TIAM2: variants seen among roughly 807,000 people sequenced by gnomAD.
TIAM2 encodes the protein rho guanine nucleotide exchange factor TIAM2.
Under a neutral mutation model 152.9 loss-of-function variants are expected in TIAM2, and 80 were observed. The observed-to-expected ratio is 0.52, with a 90% confidence interval of 0.44 to 0.63. The LOEUF (loss-of-function observed/expected upper bound fraction) is 0.63, where lower values mean the gene tolerates loss of function less well. Ranked by LOEUF, TIAM2 falls within the 30% of genes least tolerant of loss-of-function variation. The pLI is 0.00. For synonymous variants in TIAM2, 804 were observed against 838.0 expected (o/e 0.96, Z 0.70); for missense variants, 1,965 against 2,120.1 (o/e 0.93, Z 1.44).
intron 2 of TIAM2, among the ~76,000 whole-genome samples, chr6:155,092,947 T>C (rs1463181404): frequency 1.3e-5 from 2 of 152,226 alleles, no homozygotes; most frequent in African/African-American, 4.8e-5. Context: ...GGAGAATTTG[T>C]TTTGCATTGA....
At chr6:155,163,503 C>T (rs1327851071) in intron 7 of TIAM2, among the ~76,000 whole-genome samples, 1 of 152,164 alleles carries the variant, frequency 6.6e-6, no homozygotes, top group African/African-American at 2.4e-5. Flanking sequence ...TGAAGAAGTT[C>T]ATAGTAACTT....
chr6:155,130,045 C>A lies in TIAM2; in HGVS notation c.822C>A (p.Asp274Glu), dbSNP rs1204962894. 6.2e-7 allele frequency: 1 copy of A among 1,614,066 alleles called. No individual in the cohort carries two copies. The highest frequency in any genetic ancestry group is 1.1e-5 in the South Asian group (1 of 91,086). The stretch of plus-strand genomic sequence containing the variant: ...CCTTCCTGGCCCCCGGCATGCCTGA[C>A]CCCAGTCTCCATGCCAGCTTCCCAC... ...EGSFLAPGMPDPSLHASFPPG... is the reference protein window; with the variant it reads ...EGSFLAPGMPEPSLHASFPPG... Residue 274 changes from aspartate to glutamate, a missense_variant, in exon 4 of 27, where the codon GAC (aspartate) becomes GAA (glutamate). By Grantham distance (45) the Asp-to-Glu change is conservative (BLOSUM62 2). Coordinates refer to ENST00000682666, the MANE Select transcript of TIAM2 (RefSeq NM_012454.4).
In TIAM2 at chr6:155,254,426, G is replaced by GA; in HGVS notation, c.4324dup (p.Ser1442LysfsTer7). Reference sequence around the variant, plus strand: ...CTCTCCCCCCCCACCCAGTGACAGTGAAAGCAAAACCAACATTGTTAAGGT... The same window carrying GA: ...CTCTCCCCCCCCACCCAGTGACAGTGAAAAGCAAAACCAACATTGTTAAGGT... On this transcript the variant is annotated frameshift_variant, in exon 26 of 27. Coordinates refer to ENST00000682666, the MANE Select transcript of TIAM2 (RefSeq NM_012454.4). LOFTEE classifies it high-confidence loss of function. 1 of 1,611,864 alleles carries GA rather than the reference G, an allele frequency of 6.2e-7. No homozygotes were observed. Among genetic ancestry groups the GA allele is most frequent in the Non-Finnish European group, 8.5e-7 (1 of 1,178,024 alleles).
chr6:155,237,043 C>G (rs1406932285), intron 15 of TIAM2, among the ~76,000 whole-genome samples: 1 of 152,168 alleles, frequency 6.6e-6, no homozygotes, highest in African/African-American at 2.4e-5. Context: ...AAATCTCATC[C>G]CAGAGAAGGC....
intron 15 of TIAM2, among the ~76,000 whole-genome samples, chr6:155,233,488 C>T (rs1187235390): frequency 2.0e-5 from 3 of 152,228 alleles, no homozygotes; most frequent in African/African-American, 7.2e-5. Flanking sequence ...GTTTTCTTGC[C>T]ACTCCTAAGA....
intron 1 of TIAM2, chr6:155,004,970 C>CTTA (rs1778375453): frequency 3.1e-6 from 1 of 318,556 alleles, no homozygotes; most frequent in African/African-American, 2.2e-5. Context: ...GCTTCCCAGG[C>CTTA]AGGCCTTCAC....
At chr6:155,247,912 TA>T in intron 19 of TIAM2, 87 bp from the exon 20 acceptor site, 1 of 1,456,694 alleles carries the variant, frequency 6.9e-7, no homozygotes, top group Non-Finnish European at 9.3e-7. Flanking sequence ...ACTATAGAAA[TA>T]GATGATCTAT....
intron 1 of TIAM2, among the ~76,000 whole-genome samples, chr6:155,011,421 A>T (rs201122577): frequency 4.6e-5 from 7 of 152,156 alleles, no homozygotes; most frequent in Non-Finnish European, 1.0e-4. Flanking sequence ...TGGCTTCTCA[A>T]TTTTCATATC....
chr6:154,996,668 AT>A (rs1407198268), intron 1 of TIAM2, among the ~76,000 whole-genome samples: 1 of 152,204 alleles, frequency 6.6e-6, no homozygotes, highest in Non-Finnish European at 1.5e-5. Flanking sequence ...TAGGCTCTGG[AT>A]AAAAAAGTGT....
chr6:155,135,858 AT>A (rs1400054181), intron 4 of TIAM2, among the ~76,000 whole-genome samples: 1 of 152,092 alleles, frequency 6.6e-6, no homozygotes. Flanking sequence ...AAATGGGTAT[AT>A]TTTTTTCATG....
At chr6:155,029,505 A>AATATAGT (rs1776768064) in intron 1 of TIAM2, among the ~76,000 whole-genome samples, 1 of 28,336 alleles carries the variant, frequency 3.5e-5, no homozygotes, top group South Asian at 8.8e-4. Flanking sequence ...TATTATATAT[A>AATATAGT]ATATATACTA....
At chr6:155,222,090 A>G (rs1782065324) in intron 15 of TIAM2, among the ~76,000 whole-genome samples, 1 of 151,868 alleles carries the variant, frequency 6.6e-6, no homozygotes, top group Non-Finnish European at 1.5e-5. Flanking sequence ...AGTACCTGGG[A>G]CCACAGGTGC....
At chr6:155,134,701 T>G (rs1238136342) in intron 4 of TIAM2, among the ~76,000 whole-genome samples, 1 of 152,076 alleles carries the variant, frequency 6.6e-6, no homozygotes, top group Non-Finnish European at 1.5e-5. Context: ...GAGTTTTTTG[T>G]TTTTTTGTTT....
At chr6:155,070,110 T>C (rs1015176803) in intron 1 of TIAM2, among the ~76,000 whole-genome samples, 1 of 151,510 alleles carries the variant, frequency 6.6e-6, no homozygotes, top group Non-Finnish European at 1.5e-5. Context: ...TTTCACTATG[T>C]TGGCCAGGCT....
At chr6:154,998,463 A>G (rs1414275813) in intron 1 of TIAM2, among the ~76,000 whole-genome samples, 2 of 152,192 alleles carry the variant, frequency 1.3e-5, no homozygotes. Flanking sequence ...TTCATTGGGA[A>G]GGGGCCATTT....
chr6:155,057,017 C>CTTTTTT (rs71023612), intron 1 of TIAM2, among the ~76,000 whole-genome samples: 522 of 43,890 alleles, frequency 0.012, 53 homozygotes, highest in Admixed American at 0.028. Context: ...AGTTTTCTTT[C>CTTTTTT]TTTTTTTTTT....
Position 155,146,178 on chromosome 6 carries a change from A to G in TIAM2, c.1803+1400A>G, listed in dbSNP as rs143220782. Among the ~76,000 whole-genome samples the G allele has an allele frequency of 5.3e-5, 8 of 152,172 alleles. No homozygotes were observed. The East Asian group carries it at 1.5e-3, about 29-fold the overall frequency. ...GATGGCTTGTGGCGAGGAGTTTGAA[A>G]TCAGCTTGGTCAGCATAGCGAGGCC... On this transcript the variant is annotated intron_variant, in intron 6 of 26. Transcript: ENST00000682666.
intron 1 of TIAM2, among the ~76,000 whole-genome samples, chr6:155,055,865 A>C (rs1777434711): frequency 6.6e-6 from 1 of 152,040 alleles, no homozygotes; most frequent in African/African-American, 2.4e-5. Flanking sequence ...GGGAGTCTGA[A>C]GTGGGAGGAT....
intron 1 of TIAM2, among the ~76,000 whole-genome samples, chr6:155,068,602 G>GCTC (rs1554228060): frequency 7.0e-6 from 1 of 143,260 alleles, no homozygotes. Flanking sequence ...ACAGGCACCC[G>GCTC]CCCCCCCATC....
Sources: gnomAD v4.1 joint callset for allele counts (sites outside exome capture counted in the v4.1 genomes callset) on GRCh38, gnomAD v4.1.1 for gene constraint, MANE v1.5 for transcripts, NCBI Gene and HGNC (gene_info 2026-07-23, HGNC 2026-07-21) for gene names.